CELA2B: variants seen among roughly 807,000 people sequenced by gnomAD.
CELA2B encodes chymotrypsin like elastase 2B, also known as chymotrypsin-like elastase family member 2B.
Under a neutral mutation model 36.5 loss-of-function variants are expected in CELA2B, and 27 were observed. The ratio of observed to expected loss-of-function variants is 0.74; its 90% CI spans 0.55 to 1.02. The LOEUF (loss-of-function observed/expected upper bound fraction) is 1.02. Among genes scored for constraint, CELA2B ranks in the 50% least tolerant of loss-of-function variants. The pLI is 0.00. For missense variants in CELA2B, 340 were observed against 347.8 expected (o/e 0.98, Z 0.18); for synonymous variants, 143 against 148.5 (o/e 0.96, Z 0.27).
rs757878349 is a variant in CELA2B, at chr1:15,481,211, T to C, written c.227+16T>C. On this transcript the variant is annotated intron_variant, in intron 3 of 7. Transcript: ENST00000375910. ...ACTGCATCAGGTAACTGCCATTCCC[T>C]GGGCGCTTGGCCTGCTCACCAGCCG... 1.2e-6 allele frequency: 2 copies of C among 1,614,178 alleles called. No homozygotes were observed. The highest frequency in any genetic ancestry group is 1.7e-6 in the Non-Finnish European group (2 of 1,179,996).
At chr1:15,480,762 G>A (rs1312057731) in intron 2 of CELA2B, among the ~76,000 whole-genome samples, 1 of 152,016 alleles carries the variant, frequency 6.6e-6, no homozygotes, top group Non-Finnish European at 1.5e-5. Flanking sequence ...TTTGGGTGGG[G>A]ACACAGCCAA....
At chr1:15,480,261 T>A (rs1351223891) in intron 2 of CELA2B, among the ~76,000 whole-genome samples, 1 of 152,158 alleles carries the variant, frequency 6.6e-6, no homozygotes, top group Non-Finnish European at 1.5e-5. Context: ...TCACCCAGGC[T>A]GAGCACAGTG....
intron 2 of CELA2B, among the ~76,000 whole-genome samples, chr1:15,480,046 T>G (rs1461432738): frequency 6.6e-6 from 1 of 152,120 alleles, no homozygotes; most frequent in Admixed American, 6.6e-5. Flanking sequence ...GTCATCTGAC[T>G]TCCATTCAAA....
At chr1:15,487,567 G>A in intron 7 of CELA2B, 130 bp downstream of exon 7, 1 of 1,289,244 alleles carries the variant, frequency 7.8e-7, no homozygotes, top group Non-Finnish European at 1.1e-6. Flanking sequence ...CCTTGGAGGA[G>A]GCTGCAGACC....
chr1:15,487,319 C>G lies in CELA2B; in HGVS notation c.674C>G (p.Ser225Cys), dbSNP rs748371170. Residue 225 changes from serine to cysteine, a missense_variant, in exon 7 of 8, where the codon TCT becomes TGT. Coordinates refer to ENST00000375910, the MANE Select transcript of CELA2B (RefSeq NM_015849.3). ...DSGGPLNCQA[S>C]DGRWEVHGIG... The stretch of plus-strand genomic sequence containing the variant: ...GGTGGGCCGCTGAACTGTCAGGCAT[C>G]TGACGGCCGGTGGGAGGTGCATGGC... 11 of 1,614,140 alleles carry G rather than the reference C, an allele frequency of 6.8e-6. No homozygotes were observed. In the South Asian group the frequency reaches 1.1e-4, roughly 16 times the overall value.
intron 7 of CELA2B, among the ~76,000 whole-genome samples, chr1:15,490,592 G>A (rs1016918132): frequency 5.3e-5 from 8 of 152,178 alleles, no homozygotes; most frequent in African/African-American, 1.9e-4. Flanking sequence ...AACAGGCTGG[G>A]CGCGGTGGCT....
intron 4 of CELA2B, among the ~76,000 whole-genome samples, chr1:15,482,698 G>A (rs1472376248): frequency 6.6e-6 from 1 of 152,152 alleles, no homozygotes; most frequent in East Asian, 1.9e-4. Context: ...AGACAGTGCT[G>A]TCGACCCTGT....
At chr1:15,490,227 T>C (rs1428295759) in intron 7 of CELA2B, among the ~76,000 whole-genome samples, 2 of 69,568 alleles carry the variant, frequency 2.9e-5, no homozygotes, top group African/African-American at 2.0e-4. Context: ...TGCATATCTA[T>C]CTATCTATCT....
intron 5 of CELA2B, among the ~76,000 whole-genome samples, chr1:15,484,903 T>G (rs1393285379): frequency 6.8e-6 from 1 of 145,996 alleles, no homozygotes; most frequent in African/African-American, 2.6e-5. Flanking sequence ...AAAGCTTGAT[T>G]TTTTTTTTTT....
At chr1:15,478,837 G>A (rs1708705359) in intron 2 of CELA2B, among the ~76,000 whole-genome samples, 1 of 152,152 alleles carries the variant, frequency 6.6e-6, no homozygotes, top group South Asian at 2.1e-4. Context: ...AAAGTGCTGA[G>A]CTTACAGGTG....
chr1:15,483,484 T>C, intron 5 of CELA2B, 84 bp downstream of exon 5: 1 of 1,595,028 alleles, frequency 6.3e-7, no homozygotes, highest in Non-Finnish European at 8.6e-7. Flanking sequence ...TCACCTCACA[T>C]GTTATCCTGG....
chr1:15,482,404 A>G lies in CELA2B; in HGVS notation c.356+11A>G, dbSNP rs751880541. 7.4e-6 allele frequency: 12 copies of G among 1,613,608 alleles called. No individual in the cohort carries two copies. The highest frequency in any genetic ancestry group is 1.7e-5 in the Admixed American group (1 of 59,984). On this transcript the variant is annotated intron_variant, in intron 4 of 7. Coordinates refer to ENST00000375910, the MANE Select transcript of CELA2B (RefSeq NM_015849.3). ...CCAGGTCTCCAAAGGGTTCGTTTCT[A>G]TCTGGGTGCACTTGGGGGTGAGGTT...
chr1:15,483,325 G>C lies in CELA2B; in HGVS notation c.418G>C (p.Ala140Pro). Residue 140 changes from alanine to proline, a missense_variant, in exon 5 of 8, where the codon GCC becomes CCC. Physicochemically the swap from Ala to Pro is conservative, Grantham distance 27. Coordinates refer to ENST00000375910, the MANE Select transcript of CELA2B (RefSeq NM_015849.3). ...CTCCCTCACCGACAAGATCCAGCTG[G>C]CCTGCCTCCCTCCTGCCGGCACCAT... ...PVSLTDKIQL[A>P]CLPPAGTILP... The C allele has an allele frequency of 1.2e-6, 2 of 1,614,012 alleles. No individual in the cohort carries two copies. The highest frequency in any genetic ancestry group is 1.7e-6 in the Non-Finnish European group (2 of 1,179,936).
intron 5 of CELA2B, among the ~76,000 whole-genome samples, chr1:15,484,486 A>G (rs1437582765): frequency 6.6e-6 from 1 of 152,236 alleles, no homozygotes; most frequent in African/African-American, 2.4e-5. Context: ...TTCCAGGGGT[A>G]CATCCACATA....
intron 3 of CELA2B, 136 bp downstream of exon 3, chr1:15,481,331 T>C (rs1708740008): frequency 9.5e-7 from 1 of 1,050,976 alleles, no homozygotes; most frequent in Non-Finnish European, 1.5e-6. Flanking sequence ...ACACAAGCTG[T>C]AGTCAATCAA....
intron 4 of CELA2B, 78 bp downstream of exon 4, chr1:15,482,471 A>G: frequency 1.3e-6 from 2 of 1,567,324 alleles, no homozygotes; most frequent in African/African-American, 2.7e-5. Context: ...AAAGGTCTCA[A>G]CCCCACCACA....
chr1:15,489,427 G>C (rs9659443), intron 7 of CELA2B, among the ~76,000 whole-genome samples: 1 of 152,054 alleles, frequency 6.6e-6, no homozygotes, highest in Non-Finnish European at 1.5e-5. Flanking sequence ...GTTTCAGAAG[G>C]GGGAGAGCCA....
At position 15,476,490 on chromosome 1, in the gene CELA2B, A is replaced by G. The variant is rs1220083424; in HGVS notation, c.74A>G (p.Asp25Gly). Residue 25 changes from aspartate to glycine, a missense_variant, in exon 2 of 8, where the codon GAT (aspartate) becomes GGT (glycine). Physicochemically the swap from Asp to Gly is moderately conservative, Grantham distance 94. Transcript: ENST00000375910. The part of the protein sequence containing the change: ...LSCGVSTYAP[D>G]MSRMLGGEEA... Reference sequence around the variant, plus strand: ...TGTGGGGTCTCCACTTACGCGCCTGATATGTCTAGGATGCTTGGAGGTGAA... The same window carrying G: ...TGTGGGGTCTCCACTTACGCGCCTGGTATGTCTAGGATGCTTGGAGGTGAA... The G allele has an allele frequency of 1.9e-6, 3 of 1,614,028 alleles. No individual in the cohort carries two copies. The highest frequency in any genetic ancestry group is 2.2e-5 in the South Asian group (2 of 91,076).
Position 15,491,177 on chromosome 1 carries a change from G to A in CELA2B, c.793-118G>A. The A allele has an allele frequency of 2.6e-6, 3 of 1,135,102 alleles. No homozygotes were observed. The South Asian group carries it at 3.7e-5, about 14-fold the overall frequency. 70.3% of individuals were successfully genotyped at this position (1,135,102 alleles called of 1,614,324 possible). On this transcript the variant is annotated intron_variant, in intron 7 of 7. Transcript: ENST00000375910. Reference sequence around the variant, plus strand: ...CTCCTCAGGCAGGAGCTACTGTAGTGTGGGCTGCCTGTGACTCACTTGAGT... The same window carrying A: ...CTCCTCAGGCAGGAGCTACTGTAGTATGGGCTGCCTGTGACTCACTTGAGT...
Sources: gnomAD v4.1 joint callset for allele counts (sites outside exome capture counted in the v4.1 genomes callset) on GRCh38, gnomAD v4.1.1 for gene constraint, MANE v1.5 for transcripts, NCBI Gene and HGNC (gene_info 2026-07-23, HGNC 2026-07-21) for gene names.